Variants in UBAP2L observed in about 807,000 individuals in gnomAD.
UBAP2L encodes ubiquitin associated protein 2 like.
In UBAP2L, 12 loss-of-function variants were observed where a neutral mutation model predicts 130.6. That is an observed-to-expected ratio of 0.09 (90% CI 0.06 to 0.15). The LOEUF (loss-of-function observed/expected upper bound fraction) is 0.15, where lower values mean the gene tolerates loss of function less well. Among genes scored for constraint, UBAP2L ranks in the 10% least tolerant of loss-of-function variants. UBAP2L has a pLI of 1.00. For synonymous variants in UBAP2L, 503 were observed against 524.7 expected, an observed-to-expected ratio of 0.96 and a Z score of 0.57; for missense variants, 965 against 1,332.5, an observed-to-expected ratio of 0.72 and a Z score of 4.29.
At chr1:154,220,622 G>A (rs989192947), upstream of UBAP2L, 5 of 595,764 alleles carry the variant, frequency 8.4e-6, no homozygotes, top group African/African-American at 9.3e-5. Flanking sequence ...CCTGACACGT[G>A]ACTCAGGCAG....
At chr1:154,261,900 T>A (rs1285253057) in intron 24 of UBAP2L, among the ~76,000 whole-genome samples, 1 of 152,192 alleles carries the variant, frequency 6.6e-6, no homozygotes, top group African/African-American at 2.4e-5. Flanking sequence ...GTGTCCACTA[T>A]TTGTGACGGG....
intron 10 of UBAP2L, among the ~76,000 whole-genome samples, chr1:154,244,487 C>A (rs1189552019): frequency 2.0e-5 from 3 of 152,064 alleles, no homozygotes; most frequent in Non-Finnish European, 4.4e-5. Flanking sequence ...ATTCTTCTGC[C>A]TCAGCCTCCC....
chr1:154,229,046 A>T (rs1307137608), intron 4 of UBAP2L, among the ~76,000 whole-genome samples: 1 of 152,112 alleles, frequency 6.6e-6, no homozygotes, highest in Non-Finnish European at 1.5e-5. Flanking sequence ...GCGATTTGAT[A>T]GCCTTGGATA....
Position 154,267,880 on chromosome 1 carries a change from C to CTTTTTTTTTTTTTTTTT in UBAP2L, c.2971-867_2971-851dup. On this transcript the variant is annotated intron_variant, in intron 25 of 26. Coordinates refer to ENST00000428931, the MANE Select transcript of UBAP2L (RefSeq NM_014847.4). ...TCCACATTCCATCCTCTTATTTGGTCTTTTTTTTTTTTTTTTTTTTTTTTT... is the reference window on the plus strand; with the variant it reads ...TCCACATTCCATCCTCTTATTTGGTCTTTTTTTTTTTTTTTTTTTTTTTTTTTTTTTTTTTTTTTTTT... Among the ~76,000 whole-genome samples, 190 of 52,084 alleles carry CTTTTTTTTTTTTTTTTT rather than the reference C, an allele frequency of 3.6e-3. 43 individuals carry two copies. The highest frequency in any genetic ancestry group is 5.3e-3 in the Non-Finnish European group (147 of 27,626). 34.2% of individuals were successfully genotyped at this position (52,084 alleles called of 152,430 possible). A position where few individuals can be genotyped will look rare whatever the true frequency, so the allele number is the denominator to read the frequency against.
upstream of UBAP2L, chr1:154,220,553 G>C: frequency 1.3e-6 from 1 of 782,908 alleles, no homozygotes. Context: ...GACCCGGCCT[G>C]AAAACATGGC....
chr1:154,227,960 G>T (rs1489673015), intron 3 of UBAP2L, among the ~76,000 whole-genome samples: 2 of 152,152 alleles, frequency 1.3e-5, no homozygotes, highest in Non-Finnish European at 2.9e-5. Flanking sequence ...TATAGGAAAT[G>T]TGGAAATTCA....
At chr1:154,220,675 C>T, upstream of UBAP2L, 1 of 529,462 alleles carries the variant, frequency 1.9e-6, no homozygotes, top group Non-Finnish European at 3.4e-6. Flanking sequence ...CGCGGAACTA[C>T]GACAGTAAGA....
chr1:154,239,084 T>C (rs1672643601), intron 8 of UBAP2L, among the ~76,000 whole-genome samples: 1 of 152,140 alleles, frequency 6.6e-6, no homozygotes, highest in Non-Finnish European at 1.5e-5. Context: ...GCATGGTTTC[T>C]TTTTGTGTTT....
upstream of UBAP2L, chr1:154,220,384 G>C (rs142062765): frequency 3.7e-6 from 6 of 1,614,228 alleles, no homozygotes; most frequent in Non-Finnish European, 5.1e-6. Context: ...TCACCCCGGA[G>C]AGCCAGTTAC....
At chr1:154,271,173 T>G, downstream of UBAP2L, 1 of 465,650 alleles carries the variant, frequency 2.1e-6, no homozygotes, top group Non-Finnish European at 3.8e-6. Flanking sequence ...ATAGAGGAGA[T>G]TGGGTGGAAA....
intron 6 of UBAP2L, 66 bp downstream of exon 6, chr1:154,235,357 TA>T (rs1478921963): frequency 3.0e-6 from 2 of 676,950 alleles, no homozygotes; most frequent in African/African-American, 1.8e-5. Flanking sequence ...TGGTCTGCTT[TA>T]TTTTTTTTTT....
intron 8 of UBAP2L, among the ~76,000 whole-genome samples, chr1:154,239,790 G>A (rs566890670): frequency 5.3e-5 from 8 of 152,234 alleles, no homozygotes; most frequent in Non-Finnish European, 8.8e-5. Flanking sequence ...GGATTCCATC[G>A]AGCCAGGATA....
At chr1:154,246,591 A>C (rs1675570588) in intron 11 of UBAP2L, among the ~76,000 whole-genome samples, 1 of 152,234 alleles carries the variant, frequency 6.6e-6, no homozygotes, top group Non-Finnish European at 1.5e-5. Flanking sequence ...TATAAGAATA[A>C]GTTAACATTA....
At position 154,270,568 on chromosome 1, in the gene UBAP2L, C is replaced by G; in HGVS notation, c.*273C>G. 1 of 1,422,392 alleles carries G rather than the reference C, an allele frequency of 7.0e-7. No individual in the cohort carries two copies. Among genetic ancestry groups the G allele is most frequent in the Non-Finnish European group, 9.2e-7 (1 of 1,092,682 alleles). 88.1% of individuals were successfully genotyped at this position (1,422,392 alleles called of 1,614,324 possible). ...AGATTATGAAACTTTGCTATGGGCC[C>G]TGCACTTCCTTTGCTTCCTCCTGTT... On this transcript the variant is annotated 3_prime_UTR_variant, in exon 27 of 27. Transcript: ENST00000428931.
At chr1:154,225,582 G>A (rs1208508090) in intron 2 of UBAP2L, among the ~76,000 whole-genome samples, 4 of 151,722 alleles carry the variant, frequency 2.6e-5, no homozygotes, top group Non-Finnish European at 4.4e-5. Flanking sequence ...TGATCCTCCC[G>A]CCTCAGCCTC....
At chr1:154,257,725 A>G (rs916385319) in intron 20 of UBAP2L, 36 of 408,218 alleles carry the variant, frequency 8.8e-5, no homozygotes, top group Non-Finnish European at 1.2e-4. Flanking sequence ...TGCCACATGT[A>G]ATCAAACTGG....
chr1:154,236,705 G>T, intron 7 of UBAP2L, 94 bp downstream of exon 7: 1 of 1,372,274 alleles, frequency 7.3e-7, no homozygotes, highest in African/African-American at 1.4e-5. Flanking sequence ...TTCTAGACTG[G>T]TCAGAAAGAT....
chr1:154,241,492 A>C (rs1673621826), intron 8 of UBAP2L, 21 bp from the exon 9 acceptor site: 2 of 1,612,314 alleles, frequency 1.2e-6, no homozygotes, highest in Non-Finnish European at 1.7e-6. Flanking sequence ...AAGTTACTTC[A>C]CTATTTTTCT....
intron 5 of UBAP2L, 153 bp downstream of exon 5, chr1:154,234,912 C>G: frequency 9.6e-7 from 1 of 1,039,708 alleles, no homozygotes; most frequent in Non-Finnish European, 1.4e-6. Flanking sequence ...ACATCTCTTG[C>G]ATGTGGCCTT....
Sources: allele counts gnomAD v4.1 joint callset (sites outside exome capture counted in the v4.1 genomes callset), GRCh38; gene constraint gnomAD v4.1.1; transcripts MANE v1.5; gene names NCBI Gene and HGNC (gene_info 2026-07-23, HGNC 2026-07-21).